The following ARID4B variants were observed in gnomAD, a reference collection of about 807,000 sequenced individuals.
The protein encoded by ARID4B is AT-rich interaction domain 4B, also known as AT-rich interactive domain-containing protein 4B.
A neutral mutation model predicts 147.5 loss-of-function variants in ARID4B; 26 were observed. The observed-to-expected ratio is 0.18, with a 90% CI of 0.13 to 0.24. The LOEUF is 0.24. Among genes scored for constraint, ARID4B ranks in the 10% least tolerant of loss-of-function variants. The pLI, the probability that ARID4B is intolerant of heterozygous loss-of-function variation, is 1.00. For synonymous variants in ARID4B, 512 were observed against 507.9 expected (o/e 1.01, Z -0.11); for missense variants, 1,179 against 1,511.5 (o/e 0.78, Z 3.65).
intron 8 of ARID4B, among the ~76,000 whole-genome samples, chr1:235,239,107 T>C (rs1668816477): frequency 6.6e-6 from 1 of 151,908 alleles, no homozygotes; most frequent in African/African-American, 2.4e-5. Context: ...CTAGCTGGGA[T>C]TACAGGCATG....
At chr1:235,221,149 C>T (rs955483183) in intron 14 of ARID4B, among the ~76,000 whole-genome samples, 2 of 152,194 alleles carry the variant, frequency 1.3e-5, no homozygotes, top group South Asian at 2.1e-4. Flanking sequence ...CTGCCCGCCT[C>T]GGCCTCCCAA....
At chr1:235,302,259 G>A (rs1234414329) in intron 2 of ARID4B, among the ~76,000 whole-genome samples, 1 of 110,852 alleles carries the variant, frequency 9.0e-6, no homozygotes, top group Non-Finnish European at 1.9e-5. Context: ...GGAGGGGGAA[G>A]TGTAAAGGGA....
rs150777554 is a variant in ARID4B, at chr1:235,313,536, G to T, written c.6+13378C>A. On this transcript the variant is annotated intron_variant, in intron 2 of 23. Coordinates refer to ENST00000264183, the MANE Select transcript of ARID4B (RefSeq NM_016374.6). ...CATGCTAGATCAGCTTCAGGTGGCT[G>T]ACTACACCACATCAGAACAGTATTC... is the stretch of plus-strand genomic sequence containing the variant. Among the ~76,000 whole-genome samples, 102 of 152,166 alleles carry T rather than the reference G, an allele frequency of 6.7e-4. 1 individual carries two copies. The highest frequency in any genetic ancestry group is 2.4e-3 in the African/African-American group (99 of 41,516).
chr1:235,234,001 C>T (rs1668403579), intron 9 of ARID4B, among the ~76,000 whole-genome samples: 1 of 152,176 alleles, frequency 6.6e-6, no homozygotes, highest in Non-Finnish European at 1.5e-5. Context: ...ATAGCTTGAA[C>T]CCAGGAGGCA....
chr1:235,196,861 A>AG (rs1665535175), intron 17 of ARID4B, among the ~76,000 whole-genome samples: 1 of 151,510 alleles, frequency 6.6e-6, no homozygotes, highest in South Asian at 2.1e-4. Context: ...CACAAAAAAA[A>AG]AAAAAAAAAA....
intron 8 of ARID4B, among the ~76,000 whole-genome samples, chr1:235,236,055 T>C (rs557360165): frequency 1.3e-5 from 2 of 152,084 alleles, no homozygotes; most frequent in South Asian, 2.1e-4. Context: ...GTCTCCCAAG[T>C]AGCTGGGACT....
rs866140026 is a variant in ARID4B at position 235,200,919 on chromosome 1, G to A, written c.1842-4804C>T. ...AGCACTTTGGGAGGCCGAGGAGGGC[G>A]GATCACAAGATCAGGTGTTCAACAC... On this transcript the variant is annotated intron_variant, in intron 17 of 23. Transcript: ENST00000264183. Among the ~76,000 whole-genome samples, 7 of 151,996 alleles carry A rather than the reference G, an allele frequency of 4.6e-5. No individual in the cohort carries two copies. In the South Asian group the frequency reaches 8.3e-4, roughly 18 times the overall value.
At chr1:235,275,294 C>A (rs935044367) in intron 2 of ARID4B, among the ~76,000 whole-genome samples, 7 of 152,106 alleles carry the variant, frequency 4.6e-5, no homozygotes, top group Non-Finnish European at 8.8e-5. Flanking sequence ...CAAACTGGGC[C>A]GATCGGTTTT....
intron 2 of ARID4B, among the ~76,000 whole-genome samples, chr1:235,318,908 A>G (rs1674629048): frequency 6.6e-6 from 1 of 152,042 alleles, no homozygotes; most frequent in Non-Finnish European, 1.5e-5. Context: ...TAGTTACTGG[A>G]GGGATAAAAG....
At chr1:235,316,045 A>G (rs566064086) in intron 2 of ARID4B, among the ~76,000 whole-genome samples, 2 of 152,138 alleles carry the variant, frequency 1.3e-5, no homozygotes, top group East Asian at 3.9e-4. Flanking sequence ...TTAATAAATA[A>G]TCCCAATTTG....
rs138238972 is a variant in ARID4B at position 235,218,584 on chromosome 1, A to G, written c.1583+1209T>C. On this transcript the variant is annotated intron_variant, in intron 16 of 23. Coordinates refer to ENST00000264183, the MANE Select transcript of ARID4B (RefSeq NM_016374.6). ...CAAACACTTTTACTACATTCTTCTAAACCCAGGATGTTTTTCTTCCATGTT... is the reference window on the plus strand; with the variant it reads ...CAAACACTTTTACTACATTCTTCTAGACCCAGGATGTTTTTCTTCCATGTT... Among the ~76,000 whole-genome samples, 24 of 152,222 alleles carry G rather than the reference A, an allele frequency of 1.6e-4. No individual in the cohort carries two copies. The East Asian group carries it at 4.4e-3, about 28-fold the overall frequency.
At chr1:235,265,081 G>A (rs1034653293) in intron 2 of ARID4B, among the ~76,000 whole-genome samples, 8 of 149,896 alleles carry the variant, frequency 5.3e-5, no homozygotes, top group Non-Finnish European at 8.9e-5. Flanking sequence ...AAAAGTTTTC[G>A]GCTGGGCACG....
At chr1:235,305,922 T>C (rs980542491) in intron 2 of ARID4B, among the ~76,000 whole-genome samples, 13 of 152,222 alleles carry the variant, frequency 8.5e-5, no homozygotes, top group African/African-American at 3.1e-4. Context: ...ATCACGCTAC[T>C]ATATTCCTGC....
intron 2 of ARID4B, among the ~76,000 whole-genome samples, chr1:235,296,793 G>GGAAGGAAGGAAA (rs1672752434): frequency 4.6e-5 from 1 of 21,908 alleles, no homozygotes; most frequent in African/African-American, 1.9e-4. Flanking sequence ...AAAAAAAGGA[G>GGAAGGAAGGAAA]GAAGGAAGGA....
intron 17 of ARID4B, among the ~76,000 whole-genome samples, chr1:235,209,573 T>G (rs1444705992): frequency 2.3e-4 from 32 of 139,370 alleles, no homozygotes; most frequent in African/African-American, 7.2e-4. Context: ...GTTTTGTTTT[T>G]TTTTTTTTGA....
At chr1:235,321,600 G>A (rs979197846) in intron 2 of ARID4B, among the ~76,000 whole-genome samples, 1 of 151,578 alleles carries the variant, frequency 6.6e-6, no homozygotes, top group Admixed American at 6.6e-5. Flanking sequence ...CCGCCTCCCA[G>A]GTTCGCACCA....
At chr1:235,303,284 G>A (rs1035959122) in intron 2 of ARID4B, among the ~76,000 whole-genome samples, 1 of 151,596 alleles carries the variant, frequency 6.6e-6, no homozygotes, top group Non-Finnish European at 1.5e-5. Context: ...TTGTATTCCT[G>A]AATTTTATGT....
At chr1:235,174,205 A>T (rs1320114818) in intron 22 of ARID4B, among the ~76,000 whole-genome samples, 1 of 151,624 alleles carries the variant, frequency 6.6e-6, no homozygotes, top group African/African-American at 2.4e-5. Flanking sequence ...ACGCGCAGCT[A>T]ATTTTTTGTT....
chr1:235,275,206 A>G (rs1317267082), intron 2 of ARID4B, among the ~76,000 whole-genome samples: 1 of 152,198 alleles, frequency 6.6e-6, no homozygotes, highest in East Asian at 1.9e-4. Flanking sequence ...ATTACAAGTT[A>G]TTTCTCTTAA....
Sources: allele counts gnomAD v4.1 joint callset (sites outside exome capture counted in the v4.1 genomes callset), GRCh38; gene constraint gnomAD v4.1.1; transcripts MANE v1.5; gene names NCBI Gene and HGNC (gene_info 2026-07-23, HGNC 2026-07-21).